Variants in ACACA observed in about 807,000 individuals in gnomAD.
ACACA encodes the protein acetyl-CoA carboxylase alpha.
ACACA carries 103 observed loss-of-function variants against 296.1 expected under a neutral mutation model. That is an observed-to-expected ratio of 0.35 (90% CI 0.30 to 0.41). The LOEUF is 0.41. Ranked by LOEUF, ACACA falls within the 10% of genes least tolerant of loss-of-function variation. The pLI is 1.00. For synonymous variants in ACACA, 953 were observed against 1,038.6 expected, an observed-to-expected ratio of 0.92 and a Z score of 1.58; for missense variants, 1,554 against 2,989.7, an observed-to-expected ratio of 0.52 and a Z score of 11.20.
chr17:37,390,250 ATAT>A (rs2050766165), intron 1 of ACACA, among the ~76,000 whole-genome samples: 62 of 34,772 alleles, frequency 1.8e-3, no homozygotes, highest in African/African-American at 0.013. Flanking sequence ...TATTATATAT[ATAT>A]TATATATAAT....
intron 41 of ACACA, among the ~76,000 whole-genome samples, chr17:37,174,010 A>ATT (rs1373844954): frequency 1.1e-3 from 13 of 12,196 alleles, no homozygotes; most frequent in East Asian, 4.2e-3. Flanking sequence ...ATATATATAT[A>ATT]TATATATATA....
At chr17:37,165,959 G>A (rs569266875) in intron 41 of ACACA, among the ~76,000 whole-genome samples, 7 of 152,074 alleles carry the variant, frequency 4.6e-5, no homozygotes, top group Admixed American at 3.9e-4. Context: ...TTATAGGCGT[G>A]AGCCACCTTG....
At chr17:37,177,660 G>A (rs929546645) in intron 41 of ACACA, among the ~76,000 whole-genome samples, 1 of 152,210 alleles carries the variant, frequency 6.6e-6, no homozygotes, top group African/African-American at 2.4e-5. Flanking sequence ...CAATGAATCA[G>A]AATTTAAGTC....
In ACACA at chr17:37,085,744, C is replaced by T. The variant is rs906295583; in HGVS notation, c.*1572G>A. On this transcript the variant is annotated 3_prime_UTR_variant, in exon 56 of 56. Coordinates refer to ENST00000616317, the MANE Select transcript of ACACA (RefSeq NM_198834.3). ...CATTGAAAAGTCCAGCCAATCTATC[C>T]GCACAGATTCCTCCTGAAGAAGGGG... 1.8e-5 allele frequency: 7 copies of T among 399,166 alleles called. No individual in the cohort carries two copies. Among genetic ancestry groups the T allele is most frequent in the Admixed American group, 8.8e-5 (2 of 22,720 alleles). The allele number at this position is 399,166 out of a possible 1,614,324, so 24.7% of individuals were successfully genotyped here. A position where few individuals can be genotyped will look rare whatever the true frequency, so the allele number is the denominator to read the frequency against.
At chr17:37,323,457 C>T (rs1331853130) in intron 3 of ACACA, among the ~76,000 whole-genome samples, 1 of 152,142 alleles carries the variant, frequency 6.6e-6, no homozygotes, top group Non-Finnish European at 1.5e-5. Flanking sequence ...TAGCTCAGCA[C>T]GGTGGTGCAC....
At chr17:37,166,042 A>C (rs1398025614) in intron 41 of ACACA, among the ~76,000 whole-genome samples, 1 of 152,172 alleles carries the variant, frequency 6.6e-6, no homozygotes, top group Non-Finnish European at 1.5e-5. Flanking sequence ...ATCTTGAACG[A>C]TTATAGCATC....
intron 47 of ACACA, 92 bp downstream of exon 47, chr17:37,129,273 C>A (rs1054058052): frequency 1.3e-6 from 2 of 1,545,714 alleles, no homozygotes; most frequent in Non-Finnish European, 8.9e-7. Flanking sequence ...TTTTCTTAGT[C>A]ACATGTGATT....
intron 35 of ACACA, among the ~76,000 whole-genome samples, chr17:37,193,701 A>T (rs999411637): frequency 6.6e-6 from 1 of 152,124 alleles, no homozygotes; most frequent in Non-Finnish European, 1.5e-5. Context: ...AGTGAAAAAA[A>T]TTTTTTTGCT....
chr17:37,130,880 G>A (rs1440543334), intron 45 of ACACA, among the ~76,000 whole-genome samples: 1 of 142,170 alleles, frequency 7.0e-6, no homozygotes, highest in Non-Finnish European at 1.5e-5. Flanking sequence ...TTTTTAAAAA[G>A]GATTATTTTT....
chr17:37,401,130 T>C (rs1217836467), intron 1 of ACACA, among the ~76,000 whole-genome samples: 1 of 152,138 alleles, frequency 6.6e-6, no homozygotes, highest in African/African-American at 2.4e-5. Flanking sequence ...TCCCTGATGA[T>C]TAGTGATGTT....
intron 17 of ACACA, 126 bp from the exon 18 acceptor site, chr17:37,248,282 T>A: frequency 1.5e-5 from 17 of 1,172,026 alleles, no homozygotes; most frequent in South Asian, 2.6e-5. Flanking sequence ...GCACTGATGC[T>A]ATTTGCATCA....
At chr17:37,308,275 T>C (rs1354716021) in intron 3 of ACACA, among the ~76,000 whole-genome samples, 2 of 152,090 alleles carry the variant, frequency 1.3e-5, no homozygotes, top group Non-Finnish European at 2.9e-5. Flanking sequence ...ATAATGAAAA[T>C]GTATATCCAA....
At chr17:37,316,945 C>T (rs892025344) in intron 3 of ACACA, among the ~76,000 whole-genome samples, 2 of 151,778 alleles carry the variant, frequency 1.3e-5, no homozygotes, top group African/African-American at 4.8e-5. Flanking sequence ...TGGTGGTGTA[C>T]GTCTGTAGTC....
intron 1 of ACACA, among the ~76,000 whole-genome samples, chr17:37,400,027 C>A (rs1157127025): frequency 6.6e-6 from 1 of 152,206 alleles, no homozygotes; most frequent in East Asian, 1.9e-4. Context: ...CAAATATATA[C>A]CCATTACCGC....
rs1401932590 is a variant in ACACA at position 37,087,245 on chromosome 17, G to A, written c.*71C>T. 9.4e-6 allele frequency: 15 copies of A among 1,600,752 alleles called. No individual in the cohort carries two copies. The highest frequency in any genetic ancestry group is 1.3e-5 in the Non-Finnish European group (15 of 1,169,366). The stretch of plus-strand genomic sequence containing the variant: ...GTCTCCTGTGCCTTCTCATTACAGT[G>A]GTTACAGTTGTAAAAGGCAGCTCTA... On this transcript the variant is annotated 3_prime_UTR_variant, in exon 56 of 56. Transcript: ENST00000616317.
chr17:37,185,786 C>T (rs758408897), intron 39 of ACACA, among the ~76,000 whole-genome samples: 8 of 149,742 alleles, frequency 5.3e-5, no homozygotes, highest in Non-Finnish European at 1.2e-4. Flanking sequence ...TCAGGCTGGT[C>T]TCGAACTCCT....
chr17:37,157,040 T>G (rs1329670987), intron 42 of ACACA, among the ~76,000 whole-genome samples: 1 of 152,170 alleles, frequency 6.6e-6, no homozygotes, highest in Non-Finnish European at 1.5e-5. Flanking sequence ...TTATGAAACA[T>G]ACCTCCTACT....
chr17:37,344,662 C>T (rs991243158), intron 1 of ACACA, among the ~76,000 whole-genome samples: 3 of 152,076 alleles, frequency 2.0e-5, no homozygotes, highest in Non-Finnish European at 2.9e-5. Context: ...AGACAATTTT[C>T]TTGGAAAGCA....
intron 1 of ACACA, among the ~76,000 whole-genome samples, chr17:37,341,711 A>G (rs940744404): frequency 2.6e-5 from 4 of 151,570 alleles, no homozygotes; most frequent in Non-Finnish European, 5.9e-5. Context: ...AAAAAGCCTT[A>G]AAGCCACAAC....
Sources: allele counts gnomAD v4.1 joint callset (sites outside exome capture counted in the v4.1 genomes callset), GRCh38; gene constraint gnomAD v4.1.1; transcripts MANE v1.5; gene names NCBI Gene and HGNC (gene_info 2026-07-23, HGNC 2026-07-21).